The following DGKB variants were observed in gnomAD, a reference collection of about 807,000 sequenced individuals.
DGKB encodes the protein diacylglycerol kinase beta.
In DGKB, 67 loss-of-function variants were observed where a neutral mutation model predicts 114.3. That is an observed-to-expected ratio of 0.59 (90% CI 0.48 to 0.72). The LOEUF (loss-of-function observed/expected upper bound fraction) is 0.72, where lower values mean the gene tolerates loss of function less well. Ranked by LOEUF, DGKB falls within the 30% of genes least tolerant of loss-of-function variation. The pLI, the probability that DGKB is intolerant of heterozygous loss-of-function variation, is 0.00. For missense variants in DGKB, 907 were observed against 975.2 expected, an observed-to-expected ratio of 0.93 and a Z score of 0.93; for synonymous variants, 398 against 323.1, an observed-to-expected ratio of 1.23 and a Z score of -2.49.
chr7:14,313,494 A>G (rs1411556870), intron 23 of DGKB, among the ~76,000 whole-genome samples: 5 of 151,638 alleles, frequency 3.3e-5, no homozygotes, highest in African/African-American at 7.3e-5. Flanking sequence ...CCCTTTCCTA[A>G]TCAAAGAAAG....
At chr7:14,356,192 C>T (rs1047091475) in intron 21 of DGKB, among the ~76,000 whole-genome samples, 6 of 151,936 alleles carry the variant, frequency 3.9e-5, no homozygotes, top group South Asian at 2.1e-4. Flanking sequence ...GTCTTTCTAG[C>T]GGTCTATCAA....
intron 21 of DGKB, among the ~76,000 whole-genome samples, chr7:14,471,267 T>G (rs73070065): frequency 1.2e-4 from 8 of 67,078 alleles, no homozygotes; most frequent in African/African-American, 3.2e-4. Flanking sequence ...GTATGGAATA[T>G]ATGTGTATAC....
chr7:14,875,984 G>C (rs1165673137), intron 1 of DGKB, among the ~76,000 whole-genome samples: 1 of 152,084 alleles, frequency 6.6e-6, no homozygotes, highest in Non-Finnish European at 1.5e-5. Context: ...GCATTATTCA[G>C]GTAAAAAATA....
In DGKB at chr7:14,572,146, A is replaced by G. The variant is rs1798476680; in HGVS notation, c.1770+2066T>C. Among the ~76,000 whole-genome samples the G allele has an allele frequency of 2.0e-5, 3 of 152,064 alleles. No individual in the cohort carries two copies. The South Asian group carries it at 6.2e-4, about 31-fold the overall frequency. On this transcript the variant is annotated intron_variant, in intron 20 of 25. Transcript: ENST00000402815. The stretch of plus-strand genomic sequence containing the variant: ...ATAAATATGTCAAAAGAATGAAAAG[A>G]AACACCATTTAAAGAATAAAGTATA...
chr7:14,528,750 G>A (rs1056314592), intron 20 of DGKB, among the ~76,000 whole-genome samples: 19 of 151,950 alleles, frequency 1.3e-4, no homozygotes, highest in Admixed American at 5.3e-4. Flanking sequence ...TATATGAATG[G>A]GATATATCTT....
chr7:14,853,065 T>A (rs1849619931), intron 1 of DGKB, among the ~76,000 whole-genome samples: 1 of 152,140 alleles, frequency 6.6e-6, no homozygotes. Context: ...AAACCTTTAA[T>A]CCCTGGAAAA....
At chr7:14,402,155 T>C (rs989152291) in intron 21 of DGKB, among the ~76,000 whole-genome samples, 1 of 151,794 alleles carries the variant, frequency 6.6e-6, no homozygotes, top group Non-Finnish European at 1.5e-5. Context: ...ATCTATTTCA[T>C]TTCATATATG....
chr7:14,689,728 T>C (rs540925025), intron 9 of DGKB, among the ~76,000 whole-genome samples: 1 of 152,310 alleles, frequency 6.6e-6, no homozygotes, highest in East Asian at 1.9e-4. Flanking sequence ...GCTTTCTACA[T>C]TGAGCAAAGT....
At chr7:14,731,690 T>C (rs1261049819) in intron 5 of DGKB, among the ~76,000 whole-genome samples, 3 of 152,154 alleles carry the variant, frequency 2.0e-5, no homozygotes, top group African/African-American at 7.2e-5. Flanking sequence ...CAACCATCTT[T>C]CTGCAACCAT....
At chr7:14,182,835 A>G (rs995814524) in intron 23 of DGKB, among the ~76,000 whole-genome samples, 1 of 152,332 alleles carries the variant, frequency 6.6e-6, no homozygotes, top group African/African-American at 2.4e-5. Flanking sequence ...GTGAAGAAAC[A>G]GAAGAGAATG....
chr7:14,242,439 C>T (rs892246893), intron 23 of DGKB, among the ~76,000 whole-genome samples: 1 of 152,136 alleles, frequency 6.6e-6, no homozygotes, highest in Admixed American at 6.5e-5. Flanking sequence ...GGTCACAAAT[C>T]CTGACAGCTT....
At chr7:14,493,033 C>G (rs1202945024) in intron 20 of DGKB, among the ~76,000 whole-genome samples, 1 of 151,960 alleles carries the variant, frequency 6.6e-6, no homozygotes, top group East Asian at 1.9e-4. Context: ...GCATATTTGC[C>G]TAGTGTTAGT....
intron 13 of DGKB, among the ~76,000 whole-genome samples, chr7:14,643,277 G>C (rs1439821671): frequency 6.6e-6 from 1 of 152,098 alleles, no homozygotes; most frequent in Non-Finnish European, 1.5e-5. Context: ...GGAATCCTAG[G>C]GAGAGAAAAG....
chr7:14,170,147 AAG>A (rs1554272002), intron 25 of DGKB, among the ~76,000 whole-genome samples: 70 of 37,268 alleles, frequency 1.9e-3, no homozygotes, highest in African/African-American at 8.7e-3. Context: ...AAAAAAAAAA[AAG>A]AAAGAAAGAA....
At chr7:14,714,281 A>G (rs923725483) in intron 6 of DGKB, among the ~76,000 whole-genome samples, 45 of 152,150 alleles carry the variant, frequency 3.0e-4, no homozygotes, top group African/African-American at 1.1e-3. Flanking sequence ...CAAAGGGATC[A>G]AAGTGGAAAA....
intron 25 of DGKB, among the ~76,000 whole-genome samples, chr7:14,155,547 A>T (rs907931283): frequency 2.0e-5 from 3 of 152,088 alleles, no homozygotes; most frequent in Non-Finnish European, 2.9e-5. Context: ...GGCTGGTGCC[A>T]TACCAGAGGC....
At chr7:14,268,903 T>C (rs1368990544) in intron 23 of DGKB, 1 of 152,218 alleles carries the variant, frequency 6.6e-6, no homozygotes, top group Non-Finnish European at 1.5e-5. Flanking sequence ...AGTTACCTTT[T>C]TGTTTAGCAG....
rs538723624 is a variant in DGKB at position 14,646,119 on chromosome 7, C to T, written c.1135-15851G>A. Among the ~76,000 whole-genome samples, 10 of 152,176 alleles carry T rather than the reference C, an allele frequency of 6.6e-5. No individual in the cohort carries two copies. The South Asian group carries it at 1.9e-3, about 28-fold the overall frequency. ...ACAAGATCCAACTATATGCTGCCTA[C>T]AAAAATCTCACTTCACTTGCAAAGA... On this transcript the variant is annotated intron_variant, in intron 13 of 25. Transcript: ENST00000402815.
intron 10 of DGKB, among the ~76,000 whole-genome samples, chr7:14,683,227 G>A (rs1037866723): frequency 6.6e-6 from 1 of 152,162 alleles, no homozygotes; most frequent in East Asian, 1.9e-4. Context: ...ATAGGCATGA[G>A]AGCAGCTGGC....
Sources: allele counts gnomAD v4.1 joint callset (sites outside exome capture counted in the v4.1 genomes callset), GRCh38; gene constraint gnomAD v4.1.1; transcripts MANE v1.5; gene names NCBI Gene and HGNC (gene_info 2026-07-23, HGNC 2026-07-21).